TRIM14: variants seen among roughly 807,000 people sequenced by gnomAD.
TRIM14 encodes tripartite motif-containing protein 14.
Under a neutral mutation model 44.5 loss-of-function variants are expected in TRIM14, and 28 were observed. The ratio of observed to expected loss-of-function variants is 0.63; its 90% CI spans 0.47 to 0.86. The LOEUF is 0.86. TRIM14 is among the 40% of genes least tolerant of loss of function. The pLI, the probability that TRIM14 is intolerant of heterozygous loss-of-function variation, is 0.00. For synonymous variants in TRIM14, 299 were observed against 269.2 expected (o/e 1.11, Z -1.08); for missense variants, 607 against 611.1 (o/e 0.99, Z 0.07).
chr9:98,078,831 A>AG lies in TRIM14; in HGVS notation c.*28+8610dup, dbSNP rs201327329. 7.2e-3 allele frequency among the ~76,000 whole-genome samples: 593 copies of AG among 82,912 alleles called. 7 individuals are homozygous for AG. The highest frequency in any genetic ancestry group is 0.039 in the African/African-American group (499 of 12,678). 54.4% of individuals were successfully genotyped at this position (82,912 alleles called of 152,430 possible). On this transcript the variant is annotated intron_variant, in intron 6 of 6. Coordinates refer to the TRIM14 transcript ENST00000375098. ...GCCTGGGTGACAGAGTGAGACTCTC[A>AG]GGGGGAAAAAAAAAAAAAAAAAAGT...
the TRIM14 span, among the ~76,000 whole-genome samples, chr9:98,059,697 G>C: frequency 6.6e-6 from 1 of 151,556 alleles, no homozygotes; most frequent in Non-Finnish European, 1.5e-5. Flanking sequence ...TTATAGGCAT[G>C]GGCCACTGTG....
chr9:98,080,766 G>C, downstream of TRIM14: 1 of 1,530,330 alleles, frequency 6.5e-7, no homozygotes, highest in South Asian at 1.3e-5. Context: ...TGGAGAATAT[G>C]CATAAAGCAG....
the TRIM14 span, among the ~76,000 whole-genome samples, chr9:98,035,992 C>T: frequency 1.3e-5 from 2 of 152,046 alleles, no homozygotes; most frequent in East Asian, 1.9e-4. Context: ...GGGTGGATTA[C>T]GAGGTCAGGA....
chr9:98,106,788 A>G (rs1202101458), intron 2 of TRIM14, among the ~76,000 whole-genome samples: 1 of 151,634 alleles, frequency 6.6e-6, no homozygotes, highest in Admixed American at 6.6e-5. Flanking sequence ...CACAATTCCT[A>G]TCAAAATCCC....
chr9:98,115,386 G>C (rs1010774677), intron 1 of TRIM14, among the ~76,000 whole-genome samples: 2 of 152,202 alleles, frequency 1.3e-5, no homozygotes, highest in African/African-American at 4.8e-5. Context: ...GAGTAGCTGG[G>C]ATTACAGGTG....
downstream of TRIM14, among the ~76,000 whole-genome samples, chr9:98,069,061 A>G (rs1413962615): frequency 6.6e-6 from 1 of 152,222 alleles, no homozygotes; most frequent in African/African-American, 2.4e-5. Flanking sequence ...TGTGTTTATC[A>G]TATGACCCAC....
chr9:98,057,922 G>GTTTTTTTTTTT, the TRIM14 span, among the ~76,000 whole-genome samples: 12 of 78,086 alleles, frequency 1.5e-4, no homozygotes, highest in Non-Finnish European at 1.8e-4. Context: ...TTTTTTCCTG[G>GTTTTTTTTTTT]TTTTTTTTTT....
At chr9:98,048,276 T>TAATAATGAAAAATAAAA in the TRIM14 span, among the ~76,000 whole-genome samples, 1 of 152,134 alleles carries the variant, frequency 6.6e-6, no homozygotes, top group Admixed American at 6.6e-5. Flanking sequence ...CCCTTAATAT[T>TAATAATGAAAAATAAAA]GGGGGAATCC....
the TRIM14 span, among the ~76,000 whole-genome samples, chr9:98,042,598 G>C: frequency 6.6e-6 from 1 of 151,974 alleles, no homozygotes; most frequent in East Asian, 1.9e-4. Context: ...TAGGCTGGGC[G>C]CAATGGCTCA....
At chr9:98,072,435 G>C (rs866257044) in intron 6 of TRIM14, among the ~76,000 whole-genome samples, 1 of 149,736 alleles carries the variant, frequency 6.7e-6, no homozygotes, top group Non-Finnish European at 1.5e-5. Flanking sequence ...TTTTTGAGAC[G>C]GAGTCTCGCT....
At chr9:98,036,561 G>A in the TRIM14 span, among the ~76,000 whole-genome samples, 1 of 151,540 alleles carries the variant, frequency 6.6e-6, no homozygotes, top group East Asian at 1.9e-4. Flanking sequence ...CAGCACTTTG[G>A]GAGGTTCAGA....
chr9:98,058,218 T>C, the TRIM14 span, among the ~76,000 whole-genome samples: 24 of 152,244 alleles, frequency 1.6e-4, no homozygotes, highest in Admixed American at 4.6e-4. Flanking sequence ...CCCTCGGCCC[T>C]TGCTGTTCCT....
chr9:98,056,610 G>A, the TRIM14 span: 4 of 761,256 alleles, frequency 5.3e-6, no homozygotes, highest in Middle Eastern at 4.0e-4. Context: ...CCCGCGGGAG[G>A]CCCCGCCCCC....
At chr9:98,057,629 A>T in the TRIM14 span, among the ~76,000 whole-genome samples, 1 of 152,116 alleles carries the variant, frequency 6.6e-6, no homozygotes, top group Non-Finnish European at 1.5e-5. Flanking sequence ...TGAGCCCAGC[A>T]CTTGGCACAC....
intron 1 of TRIM14, among the ~76,000 whole-genome samples, chr9:98,115,273 G>A (rs1827008566): frequency 1.3e-5 from 2 of 150,242 alleles, no homozygotes; most frequent in East Asian, 2.0e-4. Context: ...TTTCTGAGGT[G>A]GAGTCTTTCT....
intron 4 of TRIM14, 100 bp from the exon 5 acceptor site, chr9:98,092,101 C>A: frequency 1.2e-6 from 1 of 857,874 alleles, no homozygotes; most frequent in Non-Finnish European, 1.8e-6. Context: ...CATAATCTCG[C>A]CCAAGAGCCA....
the TRIM14 span, among the ~76,000 whole-genome samples, chr9:98,056,093 C>A: frequency 6.6e-6 from 1 of 152,146 alleles, no homozygotes; most frequent in Non-Finnish European, 1.5e-5. Flanking sequence ...CTAGTCCCAT[C>A]TCTGCTTTGG....
At chr9:98,047,447 C>T in the TRIM14 span, among the ~76,000 whole-genome samples, 337 of 152,202 alleles carry the variant, frequency 2.2e-3, no homozygotes, top group Non-Finnish European at 2.4e-3. Context: ...GATATTCAAG[C>T]TCTAACAGCC....
Position 98,109,887 on chromosome 9 carries a change from G to C in TRIM14, c.303+2C>G, listed in dbSNP as rs758250072. ...GGGTATGAGGAAGAAATGTCCACTT[G>C]CCTTGAGCTTCTCGGTGGCATCTTC... is the stretch of plus-strand genomic sequence containing the variant. On this transcript the variant is annotated splice_donor_variant, in intron 2 of 5. Coordinates refer to ENST00000341469, the MANE Select transcript of TRIM14 (RefSeq NM_014788.4). LOFTEE classifies it high-confidence loss of function. 6.2e-7 allele frequency: 1 copy of C among 1,611,776 alleles called. No individual in the cohort carries two copies. Among genetic ancestry groups the C allele is most frequent in the Non-Finnish European group, 8.5e-7 (1 of 1,178,476 alleles).
Sources: gnomAD v4.1 joint callset for allele counts (sites outside exome capture counted in the v4.1 genomes callset) on GRCh38, gnomAD v4.1.1 for gene constraint, MANE v1.5 for transcripts, NCBI Gene and HGNC (gene_info 2026-07-23, HGNC 2026-07-21) for gene names.